The following GALNT13 variants were observed in gnomAD, a reference collection of about 807,000 sequenced individuals.
GALNT13 encodes the protein UDP-GalNAc:polypeptide N-acetylgalactosaminyltransferase 13.
In GALNT13, 28 loss-of-function variants were observed where a neutral mutation model predicts 64.2. The ratio of observed to expected loss-of-function variants is 0.44; its 90% CI spans 0.32 to 0.60. The LOEUF is 0.60. GALNT13 is among the 20% of genes least tolerant of loss of function. The probability of loss-of-function intolerance (pLI) is 0.05; values close to 1 mark genes in which losing one functional copy is unlikely to be tolerated. For missense variants in GALNT13, 577 were observed against 669.8 expected (o/e 0.86, Z 1.53); for synonymous variants, 214 against 224.6 (o/e 0.95, Z 0.42).
the GALNT13 span, among the ~76,000 whole-genome samples, chr2:153,565,906 TG>T: frequency 6.6e-6 from 1 of 151,778 alleles, no homozygotes; most frequent in Non-Finnish European, 1.5e-5. Flanking sequence ...CAAAAATTAA[TG>T]AAAAAAAATA....
intron 4 of GALNT13, among the ~76,000 whole-genome samples, chr2:154,181,031 C>T (rs1032078260): frequency 6.6e-6 from 1 of 152,118 alleles, no homozygotes; most frequent in Non-Finnish European, 1.5e-5. Context: ...TAGGAAAGAG[C>T]CAACTTTTCA....
chr2:153,227,857 C>G, the GALNT13 span, among the ~76,000 whole-genome samples: 1 of 152,180 alleles, frequency 6.6e-6, no homozygotes, highest in African/African-American at 2.4e-5. Flanking sequence ...GAGTAAAGCA[C>G]ATTCTGTTGG....
chr2:153,561,669 G>GTGTGTGTGT, the GALNT13 span, among the ~76,000 whole-genome samples: 3 of 138,704 alleles, frequency 2.2e-5, no homozygotes, highest in African/African-American at 5.5e-5. Context: ...GTGTGTGTGT[G>GTGTGTGTGT]GTGTGTATTA....
At chr2:153,206,079 T>C in the GALNT13 span, among the ~76,000 whole-genome samples, 1 of 151,986 alleles carries the variant, frequency 6.6e-6, no homozygotes, top group Non-Finnish European at 1.5e-5. Context: ...GAAAGAATAG[T>C]ATGATTCTCT....
At chr2:154,046,242 TG>T (rs1574404715) in intron 3 of GALNT13, among the ~76,000 whole-genome samples, 1 of 152,184 alleles carries the variant, frequency 6.6e-6, no homozygotes, top group East Asian at 1.9e-4. Flanking sequence ...GGAGGATTGC[TG>T]TAGCCAAAGA....
At chr2:153,247,980 T>G in the GALNT13 span, among the ~76,000 whole-genome samples, 1 of 152,212 alleles carries the variant, frequency 6.6e-6, no homozygotes, top group Non-Finnish European at 1.5e-5. Flanking sequence ...GATAAATTCC[T>G]GGACACAAAC....
At chr2:154,202,522 A>G (rs903523344) in intron 4 of GALNT13, among the ~76,000 whole-genome samples, 1 of 152,086 alleles carries the variant, frequency 6.6e-6, no homozygotes, top group Non-Finnish European at 1.5e-5. Flanking sequence ...CCAGGGAGCC[A>G]GGGTAACTTA....
At chr2:153,220,619 G>T in the GALNT13 span, among the ~76,000 whole-genome samples, 11 of 152,208 alleles carry the variant, frequency 7.2e-5, no homozygotes, top group Non-Finnish European at 1.5e-4. Context: ...TAGGTTCAAG[G>T]TCAGACGGGG....
At chr2:154,434,733 G>C (rs576472716) in intron 11 of GALNT13, among the ~76,000 whole-genome samples, 23 of 151,862 alleles carry the variant, frequency 1.5e-4, no homozygotes, top group African/African-American at 5.5e-4. Context: ...TTACAGTTGA[G>C]ACAACATGAA....
intron 2 of GALNT13, among the ~76,000 whole-genome samples, chr2:153,943,432 T>G (rs1295385926): frequency 6.6e-6 from 1 of 152,154 alleles, no homozygotes; most frequent in Non-Finnish European, 1.5e-5. Flanking sequence ...ATTGCTCTAC[T>G]TAAGAATATG....
At chr2:153,541,630 A>G in the GALNT13 span, among the ~76,000 whole-genome samples, 1 of 152,188 alleles carries the variant, frequency 6.6e-6, no homozygotes, top group South Asian at 2.1e-4. Flanking sequence ...ACCTTGTTTG[A>G]TTGTAGGCCA....
chr2:154,329,485 A>T (rs1365932231), intron 9 of GALNT13, among the ~76,000 whole-genome samples: 1 of 152,138 alleles, frequency 6.6e-6, no homozygotes, highest in African/African-American at 2.4e-5. Flanking sequence ...CGTGGTTATC[A>T]GTGTTTTGTG....
chr2:153,888,544 T>G (rs1687342099), intron 1 of GALNT13, among the ~76,000 whole-genome samples: 1 of 152,076 alleles, frequency 6.6e-6, no homozygotes, highest in Admixed American at 6.6e-5. Context: ...TGTTGGGTCC[T>G]CATTTGCATT....
chr2:153,636,781 T>C, the GALNT13 span, among the ~76,000 whole-genome samples: 2 of 152,242 alleles, frequency 1.3e-5, no homozygotes, highest in African/African-American at 4.8e-5. Context: ...GCTAGGAATT[T>C]AGAGGAAAAT....
At chr2:154,146,814 T>C (rs1683630703) in intron 4 of GALNT13, among the ~76,000 whole-genome samples, 1 of 152,078 alleles carries the variant, frequency 6.6e-6, no homozygotes, top group South Asian at 2.1e-4. Flanking sequence ...TTTCCCACCT[T>C]AGAAGCCCCA....
chr2:153,840,413 T>C, the GALNT13 span, among the ~76,000 whole-genome samples: 1 of 152,142 alleles, frequency 6.6e-6, no homozygotes, highest in Non-Finnish European at 1.5e-5. Flanking sequence ...CATTCTGTTG[T>C]AATCTATATA....
the GALNT13 span, among the ~76,000 whole-genome samples, chr2:153,667,597 G>A: frequency 1.3e-4 from 20 of 152,312 alleles, no homozygotes; most frequent in African/African-American, 4.8e-4. Context: ...GTTACTGCCA[G>A]ATCTTCCTAA....
intron 11 of GALNT13, among the ~76,000 whole-genome samples, chr2:154,435,470 T>C (rs1700919068): frequency 1.3e-5 from 2 of 152,146 alleles, no homozygotes; most frequent in African/African-American, 4.8e-5. Context: ...CTATAGGGAA[T>C]AGCTGCTTCC....
chr2:153,891,628 T>G (rs1687558289), intron 1 of GALNT13, among the ~76,000 whole-genome samples: 1 of 152,068 alleles, frequency 6.6e-6, no homozygotes, highest in Non-Finnish European at 1.5e-5. Flanking sequence ...AAGGTTGTGC[T>G]TAATCTAAAC....
Sources: allele counts gnomAD v4.1 joint callset (sites outside exome capture counted in the v4.1 genomes callset), GRCh38; gene constraint gnomAD v4.1.1; transcripts MANE v1.5; gene names NCBI Gene and HGNC (gene_info 2026-07-23, HGNC 2026-07-21).